Variants in POFUT3 observed in about 807,000 individuals in gnomAD.
POFUT3 encodes GDP-fucose protein O-fucosyltransferase 3.
At chr8:33,437,442 G>T in the POFUT3 span, among the ~76,000 whole-genome samples, 23 of 150,192 alleles carry the variant, frequency 1.5e-4, no homozygotes, top group Non-Finnish European at 3.1e-4. Context: ...TATTGGAGGG[G>T]AAAAAAAAAC....
chr8:33,377,066 A>C, the POFUT3 span, among the ~76,000 whole-genome samples: 1 of 152,088 alleles, frequency 6.6e-6, no homozygotes, highest in Admixed American at 6.5e-5. Flanking sequence ...CCCCATCTCT[A>C]CTAAAAATGT....
At chr8:33,436,522 A>C in the POFUT3 span, 1 of 1,137,180 alleles carries the variant, frequency 8.8e-7, no homozygotes, top group African/African-American at 1.5e-5. Flanking sequence ...TACCCCATAA[A>C]GCTTGTGATG....
the POFUT3 span, among the ~76,000 whole-genome samples, chr8:33,428,666 G>C: frequency 1.3e-5 from 2 of 152,148 alleles, no homozygotes; most frequent in East Asian, 3.8e-4. Context: ...AACAGTGTTG[G>C]GGGGTGTGGC....
At chr8:33,373,823 G>C in the POFUT3 span, among the ~76,000 whole-genome samples, 2 of 152,154 alleles carry the variant, frequency 1.3e-5, no homozygotes, top group East Asian at 3.9e-4. Flanking sequence ...GTAAGAATTG[G>C]GAGAATGGAA....
At chr8:33,460,056 G>A in the POFUT3 span, among the ~76,000 whole-genome samples, 2 of 152,186 alleles carry the variant, frequency 1.3e-5, no homozygotes, top group African/African-American at 2.4e-5. Flanking sequence ...TTAGCTAGGT[G>A]GCGGAAGCCT....
the POFUT3 span, among the ~76,000 whole-genome samples, chr8:33,360,430 A>G: frequency 1.3e-5 from 2 of 152,124 alleles, no homozygotes; most frequent in South Asian, 4.2e-4. Flanking sequence ...TGGGCAATAG[A>G]GTGAGACTCC....
chr8:33,435,348 G>A, the POFUT3 span, among the ~76,000 whole-genome samples: 4 of 151,456 alleles, frequency 2.6e-5, no homozygotes, highest in African/African-American at 9.7e-5. Context: ...CTCCCAAGTA[G>A]CTGGGACTAC....
At chr8:33,331,609 C>T in the POFUT3 span, among the ~76,000 whole-genome samples, 1 of 151,990 alleles carries the variant, frequency 6.6e-6, no homozygotes, top group African/African-American at 2.4e-5. Context: ...ATTGCTTGAG[C>T]CCAGGAATTT....
chr8:33,437,671 C>T, the POFUT3 span, among the ~76,000 whole-genome samples: 1 of 152,132 alleles, frequency 6.6e-6, no homozygotes, highest in African/African-American at 2.4e-5. Context: ...ATTAGCTGGG[C>T]ATTGTGGCGC....
At chr8:33,322,888 G>A in the POFUT3 span, among the ~76,000 whole-genome samples, 2 of 151,964 alleles carry the variant, frequency 1.3e-5, no homozygotes, top group Admixed American at 1.3e-4. Context: ...TTTTCCTTCA[G>A]AGCTCACTGT....
chr8:33,439,143 C>T, the POFUT3 span, among the ~76,000 whole-genome samples: 3 of 152,180 alleles, frequency 2.0e-5, no homozygotes, highest in African/African-American at 4.8e-5. Context: ...TGGTGGCTCA[C>T]GCCTGTAATC....
chr8:33,317,296 T>C, the POFUT3 span, among the ~76,000 whole-genome samples: 1 of 152,114 alleles, frequency 6.6e-6, no homozygotes, highest in Admixed American at 6.6e-5. Flanking sequence ...CAATTTCAGA[T>C]AAGGGGGAAC....
the POFUT3 span, chr8:33,452,097 A>C: frequency 6.6e-6 from 1 of 151,796 alleles, no homozygotes; most frequent in Non-Finnish European, 1.5e-5. Flanking sequence ...GTATATGTAT[A>C]TATATATGTG....
chr8:33,466,544 G>A, the POFUT3 span, among the ~76,000 whole-genome samples: 3 of 152,020 alleles, frequency 2.0e-5, no homozygotes, highest in African/African-American at 4.8e-5. Context: ...GCAGGGCAGG[G>A]CCCAGCCAGG....
At chr8:33,412,113 G>T in the POFUT3 span, among the ~76,000 whole-genome samples, 2 of 151,992 alleles carry the variant, frequency 1.3e-5, no homozygotes, top group East Asian at 3.9e-4. Flanking sequence ...GTGTATTTAC[G>T]GAACACACAT....
At chr8:33,371,777 T>C in the POFUT3 span, 3 of 152,196 alleles carry the variant, frequency 2.0e-5, no homozygotes, top group African/African-American at 7.2e-5. Context: ...TTCAGCACAA[T>C]TGGAGTTCCT....
the POFUT3 span, among the ~76,000 whole-genome samples, chr8:33,318,257 T>C: frequency 0.013 from 2,026 of 151,764 alleles, 20 homozygotes; most frequent in Middle Eastern, 0.034. Flanking sequence ...AATAATATAC[T>C]GTTTCACTTA....
At chr8:33,405,038 C>T in the POFUT3 span, among the ~76,000 whole-genome samples, 1 of 152,136 alleles carries the variant, frequency 6.6e-6, no homozygotes, top group African/African-American at 2.4e-5. Flanking sequence ...CTTCATGTTG[C>T]TCCCTATCCA....
the POFUT3 span, among the ~76,000 whole-genome samples, chr8:33,423,911 G>C: frequency 3.6e-4 from 54 of 151,586 alleles, 1 homozygote; most frequent in South Asian, 0.011. Context: ...GGCCAAAGCG[G>C]GTGGATCATT....
Sources: allele counts gnomAD v4.1 joint callset (sites outside exome capture counted in the v4.1 genomes callset), GRCh38; gene constraint gnomAD v4.1.1; transcripts MANE v1.5; gene names NCBI Gene and HGNC (gene_info 2026-07-23, HGNC 2026-07-21).